Variants in CSMD1 observed in about 807,000 individuals in gnomAD.
The protein encoded by CSMD1 is CUB and Sushi multiple domains 1.
In CSMD1, 213 loss-of-function variants were observed where a neutral mutation model predicts 417.5. That is an observed-to-expected ratio of 0.51 (90% CI 0.46 to 0.57). The LOEUF is 0.57. CSMD1 is among the 20% of genes least tolerant of loss of function. The pLI is 0.00. For missense variants in CSMD1, 6,923 were observed against 4,529.7 expected, an observed-to-expected ratio of 1.53 and a Z score of -15.17; for synonymous variants, 2,862 against 1,736.8, an observed-to-expected ratio of 1.65 and a Z score of -16.11.
chr8:4,060,243 AC>A (rs60825448), intron 3 of CSMD1, among the ~76,000 whole-genome samples: 129,230 of 151,974 alleles, frequency 0.85, 55,699 homozygotes, highest in Admixed American at 0.93. Context: ...AAATTCAACA[AC>A]CCTTCATGCT....
chr8:4,629,427 G>C (rs953003055), intron 2 of CSMD1, among the ~76,000 whole-genome samples: 2 of 152,068 alleles, frequency 1.3e-5, no homozygotes, highest in Non-Finnish European at 2.9e-5. Context: ...ATTGTATTTG[G>C]ACTCCTTACG....
chr8:3,970,932 G>C (rs1204458904), intron 5 of CSMD1, among the ~76,000 whole-genome samples: 2 of 152,030 alleles, frequency 1.3e-5, no homozygotes, highest in African/African-American at 4.8e-5. Flanking sequence ...TGTATTTTTA[G>C]TGGAGATGAG....
Position 4,634,799 on chromosome 8 carries a change from C to G in CSMD1, c.302+2543G>C, listed in dbSNP as rs1563354663. On this transcript the variant is annotated intron_variant, in intron 2 of 69. Coordinates refer to ENST00000635120, the MANE Select transcript of CSMD1 (RefSeq NM_033225.6). The stretch of plus-strand genomic sequence containing the variant: ...TCCTGAATGTTGAAAGAGAAAACAC[C>G]TCCTCATGTGTTTTCCCTGACAACA... Among the ~76,000 whole-genome samples the G allele has an allele frequency of 2.6e-5, 4 of 152,094 alleles. No individual in the cohort carries two copies. The East Asian group carries it at 7.7e-4, about 29-fold the overall frequency.
chr8:3,083,610 T>TTTATATATATATATATATATATA (rs1563320333), intron 49 of CSMD1, among the ~76,000 whole-genome samples: 1 of 30,930 alleles, frequency 3.2e-5, no homozygotes, highest in African/African-American at 1.4e-4. Flanking sequence ...ACCATAATTT[T>TTTATATATATATATATATATATA]TATATATATA....
intron 1 of CSMD1, among the ~76,000 whole-genome samples, chr8:4,725,273 T>A (rs1809351398): frequency 6.6e-6 from 1 of 152,204 alleles, no homozygotes; most frequent in Non-Finnish European, 1.5e-5. Flanking sequence ...GGTACATGAA[T>A]GACCAAGATC....
intron 2 of CSMD1, among the ~76,000 whole-genome samples, chr8:4,473,330 G>A (rs1018201874): frequency 1.3e-5 from 2 of 152,198 alleles, no homozygotes; most frequent in Non-Finnish European, 2.9e-5. Flanking sequence ...GGGAAAATCA[G>A]CAGAGACAAC....
intron 3 of CSMD1, among the ~76,000 whole-genome samples, chr8:4,227,559 T>C (rs987733248): frequency 9.9e-5 from 15 of 152,020 alleles, no homozygotes. Flanking sequence ...CCAGGAAGCA[T>C]AATTATTCAG....
chr8:3,692,224 G>C (rs1254554797), intron 7 of CSMD1, among the ~76,000 whole-genome samples: 1 of 152,062 alleles, frequency 6.6e-6, no homozygotes, highest in Non-Finnish European at 1.5e-5. Flanking sequence ...GTGTCCTGGG[G>C]GCAAAATCCT....
chr8:4,834,465 G>T (rs1045476910), intron 1 of CSMD1, among the ~76,000 whole-genome samples: 1 of 152,152 alleles, frequency 6.6e-6, no homozygotes, highest in African/African-American at 2.4e-5. Context: ...ATGTATTCAC[G>T]CAACTTTTAG....
At chr8:3,210,168 C>G (rs1204563203) in intron 30 of CSMD1, among the ~76,000 whole-genome samples, 1 of 152,150 alleles carries the variant, frequency 6.6e-6, no homozygotes, top group Non-Finnish European at 1.5e-5. Flanking sequence ...ATCACAGGCG[C>G]TGGTTCATGC....
At chr8:4,440,368 T>C (rs1330976215) in intron 2 of CSMD1, among the ~76,000 whole-genome samples, 2 of 152,224 alleles carry the variant, frequency 1.3e-5, no homozygotes, top group South Asian at 2.1e-4. Flanking sequence ...TATGCAATTA[T>C]ACAATGAATA....
chr8:4,096,228 A>G (rs997801397), intron 3 of CSMD1, among the ~76,000 whole-genome samples: 1 of 152,176 alleles, frequency 6.6e-6, no homozygotes, highest in Non-Finnish European at 1.5e-5. Context: ...TATAATAATA[A>G]TAAAAAGCAA....
intron 6 of CSMD1, among the ~76,000 whole-genome samples, chr8:3,722,707 C>T (rs1802258741): frequency 6.6e-6 from 1 of 152,148 alleles, no homozygotes; most frequent in Non-Finnish European, 1.5e-5. Flanking sequence ...TTTCTGGATT[C>T]TAGATTACAA....
At chr8:3,342,374 C>G (rs761781288) in intron 23 of CSMD1, among the ~76,000 whole-genome samples, 1 of 152,118 alleles carries the variant, frequency 6.6e-6, no homozygotes, top group Non-Finnish European at 1.5e-5. Context: ...CTTTTATGCT[C>G]AAAAACCCAA....
At chr8:4,164,991 G>C (rs1395317602) in intron 3 of CSMD1, among the ~76,000 whole-genome samples, 6 of 152,056 alleles carry the variant, frequency 3.9e-5, no homozygotes, top group Admixed American at 6.6e-5. Flanking sequence ...TTATTGTAGA[G>C]TTTCCTATGT....
chr8:3,412,067 TATACATATATACATATATATAC>T (rs1812828984), intron 12 of CSMD1, among the ~76,000 whole-genome samples: 1 of 59,392 alleles, frequency 1.7e-5, no homozygotes, highest in Non-Finnish European at 3.2e-5. Flanking sequence ...CACACGTATA[TATACATATATACATATATATAC>T]ACACGTATAT....
rs758177252 is a variant in CSMD1 at position 3,795,207 on chromosome 8, G to GATAT, written c.819-41166_819-41165insATAT. On this transcript the variant is annotated intron_variant, in intron 5 of 69. Transcript: ENST00000635120. ...TAGATACCTATCATGTACAGATATA[G>GATAT]ATACCTATCATGTACAGATATAGAT... Among the ~76,000 whole-genome samples, 210 of 82,688 alleles carry GATAT rather than the reference G, an allele frequency of 2.5e-3. 36 individuals are homozygous for GATAT. Among genetic ancestry groups the GATAT allele is most frequent in the Admixed American group, 0.016 (120 of 7,334 alleles). The allele number at this position is 82,688 out of a possible 152,430, so 54.2% of individuals were successfully genotyped here.
In CSMD1 at chr8:4,784,680, G is replaced by A. The variant is rs920349733; in HGVS notation, c.86-147122C>T. 1.1e-4 allele frequency among the ~76,000 whole-genome samples: 17 copies of A among 152,118 alleles called. 1 individual carries two copies. The highest frequency in any genetic ancestry group is 1.5e-5 in the Non-Finnish European group (1 of 68,018). On this transcript the variant is annotated intron_variant, in intron 1 of 69. Transcript: ENST00000635120. ...AAGGGCAAATATTTTTGAAAATTCA[G>A]AAGGACCTAGTGGAAGAGAATGTAG... is the stretch of plus-strand genomic sequence containing the variant.
chr8:3,038,754 A>G (rs928832739), intron 50 of CSMD1, among the ~76,000 whole-genome samples: 3 of 152,160 alleles, frequency 2.0e-5, no homozygotes, highest in African/African-American at 7.2e-5. Context: ...TTTTCTTACA[A>G]TATTTTAAAT....
Sources: gnomAD v4.1 joint callset for allele counts (sites outside exome capture counted in the v4.1 genomes callset) on GRCh38, gnomAD v4.1.1 for gene constraint, MANE v1.5 for transcripts, NCBI Gene and HGNC (gene_info 2026-07-23, HGNC 2026-07-21) for gene names.